Variants in KCNH1 observed in about 807,000 individuals in gnomAD.
KCNH1 encodes the protein voltage-gated delayed rectifier potassium channel KCNH1.
In KCNH1, 27 loss-of-function variants were observed where a neutral mutation model predicts 69.2. That is an observed-to-expected ratio of 0.39 (90% CI 0.29 to 0.54). The LOEUF (loss-of-function observed/expected upper bound fraction) is 0.54. Among genes scored for constraint, KCNH1 ranks in the 20% least tolerant of loss-of-function variants. The pLI is 0.68. For missense variants in KCNH1, 798 were observed against 1,261.6 expected, an observed-to-expected ratio of 0.63 and a Z score of 5.57; for synonymous variants, 456 against 487.7, an observed-to-expected ratio of 0.93 and a Z score of 0.86.
At chr1:210,705,971 T>A (rs181492272) in intron 10 of KCNH1, among the ~76,000 whole-genome samples, 39 of 152,340 alleles carry the variant, frequency 2.6e-4, no homozygotes, top group African/African-American at 7.0e-4. Flanking sequence ...TGTATTTTAC[T>A]TTACCCTTGC....
intron 5 of KCNH1, among the ~76,000 whole-genome samples, chr1:211,050,453 C>T (rs1690181165): frequency 6.6e-6 from 1 of 151,866 alleles, no homozygotes; most frequent in Admixed American, 6.6e-5. Context: ...TTCCATGATG[C>T]ACTTGTTCTT....
intron 6 of KCNH1, among the ~76,000 whole-genome samples, chr1:211,018,446 T>C (rs1283648757): frequency 6.6e-6 from 1 of 152,174 alleles, no homozygotes; most frequent in African/African-American, 2.4e-5. Context: ...AATCAATAGG[T>C]AGACATTCAG....
chr1:210,913,320 C>T (rs1687271974), intron 7 of KCNH1, among the ~76,000 whole-genome samples: 1 of 151,796 alleles, frequency 6.6e-6, no homozygotes, highest in Admixed American at 6.6e-5. Flanking sequence ...AATTAAACAG[C>T]ATTCTCATGC....
intron 7 of KCNH1, among the ~76,000 whole-genome samples, chr1:210,882,795 A>G (rs1300001045): frequency 6.6e-6 from 1 of 152,206 alleles, no homozygotes; most frequent in Non-Finnish European, 1.5e-5. Flanking sequence ...TTTGGAAAGA[A>G]GAAATCGATG....
At chr1:211,126,687 CAAAAAAA>C (rs71571980) in intron 1 of KCNH1, among the ~76,000 whole-genome samples, 120 of 64,952 alleles carry the variant, frequency 1.8e-3, no homozygotes, top group African/African-American at 5.8e-3. Flanking sequence ...TATAATATCT[CAAAAAAA>C]AAAAAAAAAA....
chr1:211,068,935 G>C (rs1690582648), intron 5 of KCNH1, among the ~76,000 whole-genome samples: 1 of 152,214 alleles, frequency 6.6e-6, no homozygotes, highest in Non-Finnish European at 1.5e-5. Flanking sequence ...TTCATAGGAA[G>C]TCGCTTACAC....
intron 10 of KCNH1, among the ~76,000 whole-genome samples, chr1:210,686,469 C>A (rs1681410757): frequency 6.6e-6 from 1 of 152,158 alleles, no homozygotes; most frequent in African/African-American, 2.4e-5. Context: ...TACTCTCTAT[C>A]TTTTATCTAT....
chr1:210,964,396 T>C (rs2358092), intron 6 of KCNH1, among the ~76,000 whole-genome samples: 107,123 of 152,006 alleles, frequency 0.7, 38,555 homozygotes, highest in African/African-American at 0.85. Context: ...GCAGAAAAAC[T>C]AGCTAACAAC....
At chr1:210,999,336 C>A (rs963839299) in intron 6 of KCNH1, among the ~76,000 whole-genome samples, 29 of 152,070 alleles carry the variant, frequency 1.9e-4, no homozygotes, top group Non-Finnish European at 4.4e-5. Flanking sequence ...GGGGATATCA[C>A]CACCGATCCC....
intron 9 of KCNH1, among the ~76,000 whole-genome samples, chr1:210,779,192 T>C (rs921822490): frequency 2.0e-5 from 3 of 152,130 alleles, no homozygotes. Context: ...ATCTGTAGGG[T>C]CTAAGAGTCT....
At chr1:210,713,667 C>G (rs577320173) in intron 10 of KCNH1, among the ~76,000 whole-genome samples, 1 of 152,268 alleles carries the variant, frequency 6.6e-6, no homozygotes, top group Non-Finnish European at 1.5e-5. Flanking sequence ...TTTCTTCCCT[C>G]AACCTGCAAT....
At chr1:210,736,655 A>C (rs546438277) in intron 10 of KCNH1, among the ~76,000 whole-genome samples, 169 of 152,292 alleles carry the variant, frequency 1.1e-3, no homozygotes, top group Admixed American at 2.2e-3. Flanking sequence ...GAAAAAAAAC[A>C]CAAACTCTTA....
At chr1:210,900,325 G>A (rs542599298) in intron 7 of KCNH1, among the ~76,000 whole-genome samples, 1 of 152,278 alleles carries the variant, frequency 6.6e-6, no homozygotes, top group South Asian at 2.1e-4. Context: ...AACTTGAGCT[G>A]GGGCTGTTCA....
chr1:211,071,576 C>T (rs34403324), intron 5 of KCNH1, among the ~76,000 whole-genome samples: 29,831 of 152,044 alleles, frequency 0.2, 3,158 homozygotes, highest in Non-Finnish European at 0.24. Flanking sequence ...TGCATCTTTA[C>T]GTCTGTAAAT....
rs182875788 is a variant in KCNH1, at chr1:211,113,869, G to T, written c.80-6492C>A. Among the ~76,000 whole-genome samples, 1,154 of 152,140 alleles carry T rather than the reference G, an allele frequency of 7.6e-3. 7 individuals are homozygous for T. The highest frequency in any genetic ancestry group is 0.014 in the Middle Eastern group (4 of 294). ...CTGGGGTGGGTGGGGGTGTTCAGGG[G>T]AGGACGGTGAGTCAGGCAAATATCA... On this transcript the variant is annotated intron_variant, in intron 1 of 10. Transcript: ENST00000271751.
chr1:210,775,378 G>A lies in KCNH1; in HGVS notation c.2082C>T (p.Asn694=), dbSNP rs1281691809. The A allele has an allele frequency of 3.1e-6, 5 of 1,614,110 alleles. No homozygotes were observed. Among genetic ancestry groups the A allele is most frequent in the Non-Finnish European group, 4.2e-6 (5 of 1,179,976 alleles). The change falls in exon 10 of 11, where the codon AAC becomes AAT. Residue 694 remains asparagine, a synonymous_variant. Coordinates refer to ENST00000271751, the MANE Select transcript of KCNH1 (RefSeq NM_172362.3). ...TCCTCAAGTTGTACGTCAGAATCAG[G>A]TTCCGGGAGAAGGAATGGGAGAAGG... is the stretch of plus-strand genomic sequence containing the variant. ...YTAFSHSFSR[N]LILTYNLRKR...
chr1:211,072,941 G>A (rs780246570), intron 5 of KCNH1, among the ~76,000 whole-genome samples: 6 of 152,072 alleles, frequency 3.9e-5, no homozygotes, highest in Non-Finnish European at 5.9e-5. Flanking sequence ...CTGTCAGACC[G>A]GATGAAAAAA....
chr1:210,778,355 C>T (rs1683901844), intron 9 of KCNH1, among the ~76,000 whole-genome samples: 1 of 151,916 alleles, frequency 6.6e-6, no homozygotes, highest in Admixed American at 6.6e-5. Flanking sequence ...TGAGACCTTG[C>T]CTCTGCAAAA....
chr1:211,076,694 C>T (rs1690740010), intron 5 of KCNH1, among the ~76,000 whole-genome samples: 1 of 152,218 alleles, frequency 6.6e-6, no homozygotes, highest in Admixed American at 6.5e-5. Context: ...AACCTGAGAG[C>T]CTCTTCTCCT....
Sources: allele counts gnomAD v4.1 joint callset (sites outside exome capture counted in the v4.1 genomes callset), GRCh38; gene constraint gnomAD v4.1.1; transcripts MANE v1.5; gene names NCBI Gene and HGNC (gene_info 2026-07-23, HGNC 2026-07-21).